HELZ2: variants seen among roughly 807,000 people sequenced by gnomAD.
The protein encoded by HELZ2 is 3'-5' exoribonuclease HELZ2.
Under a neutral mutation model 208.8 loss-of-function variants are expected in HELZ2, and 143 were observed. That is an observed-to-expected ratio of 0.68 (90% confidence interval 0.60 to 0.79). The LOEUF (loss-of-function observed/expected upper bound fraction) is 0.79, where lower values mean the gene tolerates loss of function less well. Among genes scored for constraint, HELZ2 ranks in the 30% least tolerant of loss-of-function variants. HELZ2 has a pLI of 0.00. For synonymous variants in HELZ2, 1,705 were observed against 1,693.7 expected (o/e 1.01, Z -0.16); for missense variants, 3,690 against 3,794.5 (o/e 0.97, Z 0.72).
exon 5 of HELZ2, chr20:63,568,923 C>G: frequency 6.2e-7 from 1 of 1,609,378 alleles, no homozygotes; most frequent in Non-Finnish European, 8.5e-7. Context: ...TACAGTGCTC[C>G]CGGAGGCGCG....
chr20:63,563,017 G>A (rs993576317), exon 8 of HELZ2: 2 of 1,600,674 alleles, frequency 1.2e-6, no homozygotes, highest in African/African-American at 1.3e-5. Context: ...CCACGTCGCG[G>A]TACCGGTCCC....
intron 8 of HELZ2, 32 bp from the exon 10 acceptor site, chr20:63,562,414 C>A (rs749624071): frequency 1.9e-6 from 3 of 1,551,662 alleles, no homozygotes; most frequent in Admixed American, 3.9e-5. Context: ...GGAAAACCAA[C>A]AGGACTCCCA....
At chr20:63,569,506 C>T (rs1445229504) in exon 4 of HELZ2, 7 of 1,610,846 alleles carry the variant, frequency 4.3e-6, no homozygotes, top group African/African-American at 1.3e-5. Context: ...CCGAACGAGG[C>T]AGCCTGCACA....
chr20:63,562,524 C>G (rs1174147830), exon 8 of HELZ2: 1 of 1,575,750 alleles, frequency 6.3e-7, no homozygotes, highest in Admixed American at 1.8e-5. Flanking sequence ...ACTCACAGAT[C>G]AGGAAGCTGC....
chr20:63,564,094 C>T, exon 8 of HELZ2: 2 of 1,608,940 alleles, frequency 1.2e-6, no homozygotes, highest in East Asian at 2.2e-5. Flanking sequence ...GGTGCAGTGA[C>T]AGGGGCACCC....
chr20:63,565,252 G>A (rs543440950), exon 8 of HELZ2: 355 of 1,607,124 alleles, frequency 2.2e-4, no homozygotes, highest in Non-Finnish European at 2.8e-4. Context: ...CGCCCAGCAC[G>A]CGGCCCCGAA....
At chr20:63,567,883 A>G (rs1374323212) in intron 5 of HELZ2, 2 of 690,548 alleles carry the variant, frequency 2.9e-6, no homozygotes, top group Non-Finnish European at 2.3e-6. Flanking sequence ...GGTCCCCAGA[A>G]CCCCCAATCC....
In HELZ2 at chr20:63,561,473, G is replaced by A; in HGVS notation, c.6837-7C>T. The stretch of plus-strand genomic sequence containing the variant: ...GTGGTGCAGGGTGATGCTCCTGGGG[G>A]ACAGGACACAGTGAGCCCTGTCCAC... On this transcript the variant is annotated splice_polypyrimidine_tract_variant and splice_region_variant and intron_variant, in intron 12 of 18. Coordinates refer to ENST00000467148, the Ensembl canonical transcript of HELZ2. The A allele has an allele frequency of 6.2e-7, 1 of 1,603,016 alleles. No individual in the cohort carries two copies. The highest frequency in any genetic ancestry group is 8.5e-7 in the Non-Finnish European group (1 of 1,175,204).
At position 63,562,101 on chromosome 20, in the gene HELZ2, T is replaced by G. The variant is rs545746351; in HGVS notation, c.6500A>C (p.Lys2167Thr). 5.6e-6 allele frequency: 9 copies of G among 1,611,642 alleles called. No individual in the cohort carries two copies. In the African/African-American group the frequency reaches 9.3e-5, roughly 17 times the overall value. Residue 2167 changes from lysine to threonine, a missense_variant, in exon 10 of 19, where the codon AAG (lysine) becomes ACG (threonine). Lys to Thr is a moderately conservative substitution (Grantham distance 78, BLOSUM62 -1). Around this residue, in one of 3 missense-constraint regions of HELZ2, gnomAD observed 2,564 missense variants for 2,580.5 expected, o/e 0.99. Coordinates refer to ENST00000467148, the Ensembl canonical transcript of HELZ2. ...TGGGCCCTGAATGACCGTGAAAGGC[T>G]TCTCCAGAGCCTCCCTGACCGCCAC...
chr20:63,560,175 G>C, exon 17 of HELZ2: 1 of 1,554,128 alleles, frequency 6.4e-7, no homozygotes, highest in Non-Finnish European at 8.7e-7. Context: ...CCTCACCCTG[G>C]CTCTTGGTGA....
At chr20:63,568,019 C>G in intron 5 of HELZ2, 2 of 534,806 alleles carry the variant, frequency 3.7e-6, no homozygotes, top group East Asian at 6.5e-5. Flanking sequence ...CCACATAAAC[C>G]AAAGGGGAAC....
chr20:63,568,326 G>A (rs1208540660), intron 5 of HELZ2, 32 bp downstream of exon 6: 3 of 1,533,500 alleles, frequency 2.0e-6, no homozygotes, highest in Non-Finnish European at 2.7e-6. Flanking sequence ...CGGGCGTCAG[G>A]TGAGGTGGGG....
rs537642698 is a variant in HELZ2, at chr20:63,572,426, C to A, written c.-41G>T. On this transcript the variant is annotated 5_prime_UTR_variant, in exon 1 of 19. Transcript: ENST00000467148. ...TGCAAACTGGCAGCGGGACTCCCCA[C>A]GCCAGCACGGCTGCCCACGCCCCAC... 8.2e-6 allele frequency: 12 copies of A among 1,457,532 alleles called. No homozygotes were observed. The African/African-American group carries it at 1.6e-4, about 19-fold the overall frequency. 90.3% of individuals were successfully genotyped at this position (1,457,532 alleles called of 1,614,324 possible). A position where few individuals can be genotyped will look rare whatever the true frequency, so the allele number is the denominator to read the frequency against.
At chr20:63,558,552 T>C (rs2082839693), downstream of HELZ2, 1 of 152,236 alleles carries the variant, frequency 6.6e-6, no homozygotes, top group African/African-American at 2.4e-5. Context: ...TTTGTTTTTT[T>C]TTTTAAGACA....
At chr20:63,569,115 C>T (rs1350146704) in intron 4 of HELZ2, 33 bp downstream of exon 5, 1 of 1,578,002 alleles carries the variant, frequency 6.3e-7, no homozygotes, top group Admixed American at 1.9e-5. Context: ...GCTGCTCCTG[C>T]TACCCCAGCT....
exon 11 of HELZ2, chr20:63,561,952 C>T (rs377035668): frequency 2.5e-6 from 4 of 1,600,014 alleles, no homozygotes; most frequent in Middle Eastern, 3.3e-4. Context: ...AACCAGAATA[C>T]GATGTGGAGG....
At chr20:63,559,153 C>G (rs1295840021), downstream of HELZ2, 21 of 1,370,392 alleles carry the variant, frequency 1.5e-5, no homozygotes, top group Non-Finnish European at 9.7e-7. Context: ...GCAGGCTGGC[C>G]CAGGCAGGCT....
At chr20:63,569,044 C>T (rs1429798805) in intron 4 of HELZ2, 45 bp from the exon 6 acceptor site, 2 of 1,595,912 alleles carry the variant, frequency 1.3e-6, no homozygotes, top group African/African-American at 1.3e-5. Flanking sequence ...CAGCTGCCAG[C>T]CCCGCTGCCA....
exon 8 of HELZ2, chr20:63,563,520 G>A (rs1356965406): frequency 2.6e-6 from 4 of 1,514,080 alleles, no homozygotes; most frequent in East Asian, 2.4e-5. Flanking sequence ...ACGGGGCAGG[G>A]GTCAGGCAGC....
Sources: allele counts gnomAD v4.1 joint callset, GRCh38; gene constraint gnomAD v4.1.1; regional missense constraint gnomAD v4.1.1; transcripts MANE v1.5; gene names NCBI Gene and HGNC (gene_info 2026-07-23, HGNC 2026-07-21).